Variants in FTO observed in about 807,000 individuals in gnomAD.
FTO encodes FTO alpha-ketoglutarate dependent dioxygenase, also known as alpha-ketoglutarate-dependent dioxygenase FTO.
Under a neutral mutation model 63.9 loss-of-function variants are expected in FTO, and 47 were observed. That is an observed-to-expected ratio of 0.74 (90% CI 0.58 to 0.94). The LOEUF is 0.94. Among genes scored for constraint, FTO ranks in the 40% least tolerant of loss-of-function variants. FTO has a pLI of 0.00. For missense variants in FTO, 562 were observed against 618.1 expected (o/e 0.91, Z 0.96); for synonymous variants, 207 against 224.4 (o/e 0.92, Z 0.69).
At chr16:53,995,453 G>A (rs1299554573) in intron 8 of FTO, among the ~76,000 whole-genome samples, 1 of 152,184 alleles carries the variant, frequency 6.6e-6, no homozygotes, top group Non-Finnish European at 1.5e-5. Context: ...ATTAAACCCA[G>A]ACACCATCGG....
intron 3 of FTO, among the ~76,000 whole-genome samples, chr16:53,828,249 T>C (rs751047991): frequency 2.6e-5 from 4 of 152,184 alleles, no homozygotes; most frequent in African/African-American, 4.8e-5. Flanking sequence ...AGACGGGGTC[T>C]CGCTCTGTCG....
chr16:53,761,806 T>G (rs916970668), intron 1 of FTO, among the ~76,000 whole-genome samples: 4 of 152,200 alleles, frequency 2.6e-5, no homozygotes, highest in African/African-American at 9.6e-5. Flanking sequence ...GTCTGCTCAT[T>G]GATTACCTTA....
rs141546809 is a variant in FTO at position 53,816,256 on chromosome 16, C to T, written c.123+6039C>T. 9.7e-4 allele frequency among the ~76,000 whole-genome samples: 147 copies of T among 152,302 alleles called. 1 individual carries two copies. The South Asian group carries it at 0.012, about 13-fold the overall frequency. On this transcript the variant is annotated intron_variant, in intron 2 of 8. Transcript: ENST00000471389. Reference sequence around the variant, plus strand: ...ACCACCTCTGCTTCTTACACCGTGGCCAAAACTGCCATCATCTCTGTTGCA... The same window carrying T: ...ACCACCTCTGCTTCTTACACCGTGGTCAAAACTGCCATCATCTCTGTTGCA...
chr16:54,016,292 GAAAAA>G (rs35786461), intron 8 of FTO, among the ~76,000 whole-genome samples: 1 of 63,234 alleles, frequency 1.6e-5, no homozygotes, highest in Admixed American at 1.7e-4. Context: ...GACTTGTCAT[GAAAAA>G]AAAAAAAAAA....
chr16:54,101,016 C>G (rs2086630090), intron 8 of FTO, among the ~76,000 whole-genome samples: 1 of 152,150 alleles, frequency 6.6e-6, no homozygotes. Context: ...GCTCTTGCAT[C>G]CCTTATCTCC....
intron 1 of FTO, among the ~76,000 whole-genome samples, chr16:53,733,497 A>C (rs1178736362): frequency 6.6e-6 from 1 of 152,172 alleles, no homozygotes; most frequent in Non-Finnish European, 1.5e-5. Flanking sequence ...AACACGGAAA[A>C]TTAGGGACGT....
At chr16:54,056,223 C>A (rs1165827503) in intron 8 of FTO, among the ~76,000 whole-genome samples, 2 of 152,208 alleles carry the variant, frequency 1.3e-5, no homozygotes, top group African/African-American at 4.8e-5. Context: ...ACAGTCCCAC[C>A]ACTGCTGTCC....
chr16:53,875,574 A>G (rs745700200), intron 5 of FTO, among the ~76,000 whole-genome samples: 1 of 152,216 alleles, frequency 6.6e-6, no homozygotes, highest in Non-Finnish European at 1.5e-5. Context: ...GGGAACAACT[A>G]AAGTTCACTG....
At chr16:53,713,521 C>G (rs190474856) in intron 1 of FTO, among the ~76,000 whole-genome samples, 59 of 152,206 alleles carry the variant, frequency 3.9e-4, no homozygotes, top group African/African-American at 1.3e-3. Context: ...AAAATTGTCT[C>G]ACTGGTTGAT....
chr16:53,774,291 G>T lies in FTO; in HGVS notation c.46-35849G>T, dbSNP rs892792578. On this transcript the variant is annotated intron_variant, in intron 1 of 8. Coordinates refer to ENST00000471389, the MANE Select transcript of FTO (RefSeq NM_001080432.3). The stretch of plus-strand genomic sequence containing the variant: ...TGTGTGTCTCCTCCACCAGGTAAAA[G>T]TGAAACAATAACTTCTCAATATACC... Among the ~76,000 whole-genome samples, 3 of 152,130 alleles carry T rather than the reference G, an allele frequency of 2.0e-5. No individual in the cohort carries two copies. The South Asian group carries it at 6.2e-4, about 31-fold the overall frequency.
intron 1 of FTO, among the ~76,000 whole-genome samples, chr16:53,751,314 C>G (rs193062965): frequency 6.6e-6 from 1 of 152,070 alleles, no homozygotes; most frequent in Non-Finnish European, 1.5e-5. Context: ...AAAAATTAGC[C>G]GGGCGTGGTG....
At chr16:53,906,381 C>T (rs114568356) in intron 7 of FTO, among the ~76,000 whole-genome samples, 2,695 of 152,238 alleles carry the variant, frequency 0.018, 67 homozygotes, top group African/African-American at 0.062. Context: ...ATTGAACGGA[C>T]GAATATATGA....
intron 1 of FTO, among the ~76,000 whole-genome samples, chr16:53,767,901 T>C (rs1309370362): frequency 6.6e-6 from 1 of 152,224 alleles, no homozygotes; most frequent in African/African-American, 2.4e-5. Context: ...AATATATTTT[T>C]CTCCCATGTC....
chr16:53,782,324 T>C (rs2077608742), intron 1 of FTO, among the ~76,000 whole-genome samples: 1 of 152,230 alleles, frequency 6.6e-6, no homozygotes, highest in South Asian at 2.1e-4. Flanking sequence ...GCCAGCTTCA[T>C]AGCCTAGTCT....
intron 7 of FTO, among the ~76,000 whole-genome samples, chr16:53,905,357 T>C (rs1008718308): frequency 1.3e-5 from 2 of 152,196 alleles, no homozygotes; most frequent in African/African-American, 4.8e-5. Context: ...TCTTCATTTG[T>C]AAAATGGGGA....
chr16:53,902,449 G>T (rs1164108256), intron 7 of FTO, among the ~76,000 whole-genome samples: 1 of 152,174 alleles, frequency 6.6e-6, no homozygotes, highest in Non-Finnish European at 1.5e-5. Flanking sequence ...CCATGGCTGT[G>T]CTTGGGATAT....
At chr16:53,773,339 T>C (rs2077386310) in intron 1 of FTO, among the ~76,000 whole-genome samples, 1 of 152,124 alleles carries the variant, frequency 6.6e-6, no homozygotes, top group Non-Finnish European at 1.5e-5. Context: ...TAGGTGGCAC[T>C]GAAGTATCAT....
intron 7 of FTO, among the ~76,000 whole-genome samples, chr16:53,908,505 A>C (rs2081594930): frequency 6.6e-6 from 1 of 152,186 alleles, no homozygotes; most frequent in African/African-American, 2.4e-5. Flanking sequence ...GCCAGATATA[A>C]GAAACTTTGG....
At chr16:53,755,750 G>A (rs2076909023) in intron 1 of FTO, among the ~76,000 whole-genome samples, 1 of 152,120 alleles carries the variant, frequency 6.6e-6, no homozygotes, top group South Asian at 2.1e-4. Flanking sequence ...AGTCTCTGAG[G>A]TGTTTCTTTA....
Sources: gnomAD v4.1 joint callset for allele counts (sites outside exome capture counted in the v4.1 genomes callset) on GRCh38, gnomAD v4.1.1 for gene constraint, MANE v1.5 for transcripts, NCBI Gene and HGNC (gene_info 2026-07-23, HGNC 2026-07-21) for gene names.